Variants in BMP6 observed in about 807,000 individuals in gnomAD.
BMP6 encodes VG-1-R.
A neutral mutation model predicts 54.1 loss-of-function variants in BMP6; 17 were observed. That is an observed-to-expected ratio of 0.31 (90% CI 0.22 to 0.47). BMP6 has a LOEUF of 0.47. Among genes scored for constraint, BMP6 ranks in the 20% least tolerant of loss-of-function variants. The pLI, the probability that BMP6 is intolerant of heterozygous loss-of-function variation, is 1.00. For missense variants in BMP6, 720 were observed against 690.4 expected (o/e 1.04, Z -0.48); for synonymous variants, 328 against 291.2 (o/e 1.13, Z -1.28).
In BMP6 at chr6:7,726,889, GCGCTCCGGCCT is replaced by G. The variant is rs1761734778; in HGVS notation, c.-59_-49del. On this transcript the variant is annotated 5_prime_UTR_variant, in exon 1 of 7. Coordinates refer to ENST00000283147, the MANE Select transcript of BMP6 (RefSeq NM_001718.6). The stretch of plus-strand genomic sequence containing the variant: ...GCTCACGCCAAGGGCCACAGCGGCC[GCGCTCCGGCCT>G]CGCTCCGCCGCTCCACGCCTCGCGG... 3.0e-6 allele frequency: 3 copies of G among 1,008,644 alleles called. No individual in the cohort carries two copies. Among genetic ancestry groups the G allele is most frequent in the South Asian group, 1.0e-4 (2 of 19,606 alleles). 62.5% of individuals were successfully genotyped at this position (1,008,644 alleles called of 1,614,324 possible).
chr6:7,727,048 G>T lies in BMP6; in HGVS notation c.93G>T (p.Leu31Phe), dbSNP rs1761739064. 1 of 1,169,854 alleles carries T rather than the reference G, an allele frequency of 8.5e-7. No homozygotes were observed. Among genetic ancestry groups the T allele is most frequent in the East Asian group, 4.1e-5 (1 of 24,118 alleles). 72.5% of individuals were successfully genotyped at this position (1,169,854 alleles called of 1,614,324 possible). A position where few individuals can be genotyped will look rare whatever the true frequency, so the allele number is the denominator to read the frequency against. The change falls in exon 1 of 7, where the codon TTG (leucine) becomes TTT (phenylalanine). Residue 31 changes from leucine (L) to phenylalanine (F), a missense_variant. Leu to Phe is a conservative substitution (Grantham distance 22). Coordinates refer to ENST00000283147, the MANE Select transcript of BMP6 (RefSeq NM_001718.6). ...CCGPPPLRPP[L>F]PAAAAAAAGG... is the part of the protein sequence containing the mutation. Reference sequence around the variant, plus strand: ...GGCCCCCGCCGCTGCGGCCGCCCTTGCCCGCTGCCGCGGCCGCCGCCGCCG... The same window carrying T: ...GGCCCCCGCCGCTGCGGCCGCCCTTTCCCGCTGCCGCGGCCGCCGCCGCCG...
chr6:7,805,649 G>A (rs1229414639), intron 1 of BMP6, among the ~76,000 whole-genome samples: 1 of 152,184 alleles, frequency 6.6e-6, no homozygotes, highest in Non-Finnish European at 1.5e-5. Flanking sequence ...GAATCAACTA[G>A]CGCCTATTTC....
chr6:7,838,161 G>C (rs1758904034), intron 1 of BMP6, among the ~76,000 whole-genome samples: 2 of 151,914 alleles, frequency 1.3e-5, no homozygotes, highest in Non-Finnish European at 2.9e-5. Context: ...TTTTGAAAAA[G>C]AGAGAGAGAC....
intron 1 of BMP6, among the ~76,000 whole-genome samples, chr6:7,838,014 G>A (rs184890622): frequency 0.015 from 2,251 of 151,984 alleles, 27 homozygotes; most frequent in Non-Finnish European, 0.021. Context: ...TGAAAAGAAG[G>A]AGCTGAAAGG....
chr6:7,755,708 T>C (rs1757504549), intron 1 of BMP6, among the ~76,000 whole-genome samples: 2 of 152,124 alleles, frequency 1.3e-5, no homozygotes, highest in African/African-American at 4.8e-5. Flanking sequence ...AGAACTTCTG[T>C]TAACTTTTCA....
intron 1 of BMP6, among the ~76,000 whole-genome samples, chr6:7,751,559 A>C (rs529038503): frequency 5.4e-4 from 83 of 152,310 alleles, no homozygotes; most frequent in Non-Finnish European, 1.0e-3. Context: ...CTGCCTCGGC[A>C]TTCTCTATAA....
chr6:7,751,065 G>A (rs1240087972), intron 1 of BMP6, among the ~76,000 whole-genome samples: 1 of 152,194 alleles, frequency 6.6e-6, no homozygotes, highest in Non-Finnish European at 1.5e-5. Context: ...GCCATATTAA[G>A]CTCAGTGCCT....
At chr6:7,736,923 C>T (rs1225999886) in intron 1 of BMP6, among the ~76,000 whole-genome samples, 1 of 152,158 alleles carries the variant, frequency 6.6e-6, no homozygotes, top group Non-Finnish European at 1.5e-5. Context: ...CGCAGTGGCT[C>T]ACACCTGTAA....
intron 1 of BMP6, among the ~76,000 whole-genome samples, chr6:7,841,752 G>A (rs1758973902): frequency 6.6e-6 from 1 of 152,150 alleles, no homozygotes; most frequent in Non-Finnish European, 1.5e-5. Flanking sequence ...ATGACACTAA[G>A]GAAGCCGTGC....
At chr6:7,806,656 ATTTCT>A (rs1190351048) in intron 1 of BMP6, among the ~76,000 whole-genome samples, 1 of 152,058 alleles carries the variant, frequency 6.6e-6, no homozygotes, top group African/African-American at 2.4e-5. Flanking sequence ...CATTACAGAG[ATTTCT>A]TTTTTTTTTA....
intron 1 of BMP6, among the ~76,000 whole-genome samples, chr6:7,809,789 A>C (rs1389942426): frequency 1.3e-5 from 2 of 152,218 alleles, no homozygotes; most frequent in East Asian, 3.8e-4. Context: ...TTCAGCTTGC[A>C]AAAAAGACTT....
At chr6:7,815,123 T>C (rs1758506364) in intron 1 of BMP6, among the ~76,000 whole-genome samples, 1 of 152,194 alleles carries the variant, frequency 6.6e-6, no homozygotes, top group South Asian at 2.1e-4. Context: ...TCTCTCATGA[T>C]ATGCCCAAGA....
chr6:7,776,479 A>G (rs954756741), intron 1 of BMP6, among the ~76,000 whole-genome samples: 9 of 152,254 alleles, frequency 5.9e-5, no homozygotes, highest in Non-Finnish European at 1.3e-4. Context: ...TTGGCAAGTC[A>G]TGTGCCCATT....
At chr6:7,864,251 G>A (rs1759382991) in intron 4 of BMP6, among the ~76,000 whole-genome samples, 1 of 152,196 alleles carries the variant, frequency 6.6e-6, no homozygotes, top group Non-Finnish European at 1.5e-5. Context: ...TTGGCAGTGG[G>A]ATTTGCAGCC....
chr6:7,871,152 A>AG (rs1759518289), intron 4 of BMP6, among the ~76,000 whole-genome samples: 1 of 152,228 alleles, frequency 6.6e-6, no homozygotes, highest in African/African-American at 2.4e-5. Context: ...CAGTGGCTTT[A>AG]GGACAAATTA....
intron 1 of BMP6, among the ~76,000 whole-genome samples, chr6:7,829,110 A>G (rs981384825): frequency 3.9e-5 from 6 of 152,228 alleles, no homozygotes; most frequent in Admixed American, 1.3e-4. Flanking sequence ...TAAACCAAAT[A>G]GCCCCATCGT....
intron 1 of BMP6, 122 bp from the exon 2 acceptor site, chr6:7,845,018 C>A: frequency 1.2e-6 from 1 of 851,094 alleles, no homozygotes; most frequent in Non-Finnish European, 1.9e-6. Context: ...ACCCGATCCC[C>A]GTAGTAAGCC....
chr6:7,733,235 C>G (rs111569929), intron 1 of BMP6, among the ~76,000 whole-genome samples: 1 of 152,156 alleles, frequency 6.6e-6, no homozygotes, highest in Admixed American at 6.5e-5. Context: ...CTTAGCACAA[C>G]GTCGTTACAG....
At position 7,816,349 on chromosome 6, in the gene BMP6, G is replaced by A. The variant is rs114632571; in HGVS notation, c.665-28791G>A. 6.1e-3 allele frequency among the ~76,000 whole-genome samples: 922 copies of A among 152,298 alleles called. 15 individuals are homozygous for A. The highest frequency in any genetic ancestry group is 0.021 in the African/African-American group (893 of 41,560). On this transcript the variant is annotated intron_variant, in intron 1 of 6. Coordinates refer to ENST00000283147, the MANE Select transcript of BMP6 (RefSeq NM_001718.6). Reference sequence around the variant, plus strand: ...AATCCACAGAACAGATATCCTCCCTGTTTTAAAGGTAAGCAGCTTGGGGGT... The same window carrying A: ...AATCCACAGAACAGATATCCTCCCTATTTTAAAGGTAAGCAGCTTGGGGGT...
Sources: allele counts gnomAD v4.1 joint callset (sites outside exome capture counted in the v4.1 genomes callset), GRCh38; gene constraint gnomAD v4.1.1; transcripts MANE v1.5; gene names NCBI Gene and HGNC (gene_info 2026-07-23, HGNC 2026-07-21).